The following KAT6B variants were observed in gnomAD, a reference collection of about 807,000 sequenced individuals.
KAT6B encodes histone acetyltransferase KAT6B.
A neutral mutation model predicts 187.5 loss-of-function variants in KAT6B; 10 were observed. That is an observed-to-expected ratio of 0.05 (90% confidence interval 0.03 to 0.09). KAT6B has a LOEUF of 0.09. KAT6B is among the 10% of genes least tolerant of loss of function. The probability of loss-of-function intolerance (pLI) is 1.00; values close to 1 mark genes in which losing one functional copy is unlikely to be tolerated. For missense variants in KAT6B, 1,952 were observed against 2,558.9 expected, an observed-to-expected ratio of 0.76 and a Z score of 5.12; for synonymous variants, 861 against 926.8, an observed-to-expected ratio of 0.93 and a Z score of 1.29.
At chr10:74,857,610 C>G (rs1324039765) in intron 3 of KAT6B, among the ~76,000 whole-genome samples, 1 of 152,128 alleles carries the variant, frequency 6.6e-6, no homozygotes, top group East Asian at 1.9e-4. Context: ...TGGGGGAGCC[C>G]ATTATTTTGC....
At chr10:74,880,695 A>G (rs1844783248) in intron 3 of KAT6B, among the ~76,000 whole-genome samples, 2 of 152,118 alleles carry the variant, frequency 1.3e-5, no homozygotes, top group South Asian at 2.1e-4. Flanking sequence ...GGCTCACTGC[A>G]ACCTCCACCT....
rs1359040523 is a variant in KAT6B, at chr10:74,840,164, G to A, written c.-259+1412G>A. On this transcript the variant is annotated intron_variant, in intron 2 of 17. Coordinates refer to ENST00000287239, the MANE Select transcript of KAT6B (RefSeq NM_012330.4). Reference sequence around the variant, plus strand: ...CACCATGACCACTTGTGTGGCAGGGGTATTGAGGAAGTTCCTGTAATTTGG... The same window carrying A: ...CACCATGACCACTTGTGTGGCAGGGATATTGAGGAAGTTCCTGTAATTTGG... Among the ~76,000 whole-genome samples the A allele has an allele frequency of 3.9e-5, 6 of 152,208 alleles. No individual in the cohort carries two copies. In the East Asian group the frequency reaches 1.2e-3, roughly 29 times the overall value.
intron 3 of KAT6B, among the ~76,000 whole-genome samples, chr10:74,908,507 G>A (rs867207107): frequency 6.0e-5 from 8 of 132,476 alleles, no homozygotes; most frequent in South Asian, 4.6e-4. Context: ...GCAGTGAGCC[G>A]AAATTGCACT....
At chr10:74,956,509 T>G (rs979407545) in intron 3 of KAT6B, among the ~76,000 whole-genome samples, 4 of 152,188 alleles carry the variant, frequency 2.6e-5, no homozygotes, top group Non-Finnish European at 5.9e-5. Flanking sequence ...AACACATTAG[T>G]AAAGAGTTAT....
At chr10:75,017,309 C>T (rs1341796607) in intron 13 of KAT6B, among the ~76,000 whole-genome samples, 1 of 151,856 alleles carries the variant, frequency 6.6e-6, no homozygotes, top group African/African-American at 2.4e-5. Context: ...TTCCAATGGG[C>T]TATATCATAA....
chr10:75,028,237 C>T (rs1846022960), intron 17 of KAT6B, among the ~76,000 whole-genome samples: 2 of 152,014 alleles, frequency 1.3e-5, no homozygotes, highest in Admixed American at 1.3e-4. Context: ...TCATTAAATT[C>T]AAATAAGCAC....
At chr10:74,974,679 G>A (rs1342880423) in intron 7 of KAT6B, among the ~76,000 whole-genome samples, 1 of 152,094 alleles carries the variant, frequency 6.6e-6, no homozygotes, top group Non-Finnish European at 1.5e-5. Flanking sequence ...TAAATGTGCC[G>A]CTTCTTCACC....
At chr10:74,889,068 G>A (rs1319326503) in intron 3 of KAT6B, among the ~76,000 whole-genome samples, 1 of 152,084 alleles carries the variant, frequency 6.6e-6, no homozygotes, top group Non-Finnish European at 1.5e-5. Context: ...CACATTACAA[G>A]TGATAAGATC....
chr10:74,952,536 A>T (rs1217812581), intron 3 of KAT6B, among the ~76,000 whole-genome samples: 1 of 152,132 alleles, frequency 6.6e-6, no homozygotes, highest in Non-Finnish European at 1.5e-5. Context: ...CCTCCATCTC[A>T]CTAGTTAGGT....
intron 3 of KAT6B, among the ~76,000 whole-genome samples, chr10:74,873,504 G>A (rs1461634969): frequency 6.6e-6 from 1 of 152,044 alleles, no homozygotes; most frequent in East Asian, 1.9e-4. Flanking sequence ...AAAGGTCACC[G>A]AGGCTGCTGT....
chr10:74,927,091 C>T (rs1219783513), intron 3 of KAT6B, among the ~76,000 whole-genome samples: 1 of 152,208 alleles, frequency 6.6e-6, no homozygotes, highest in African/African-American at 2.4e-5. Context: ...AATATTATCA[C>T]AAAATCTCAC....
rs1589824884 is a variant in KAT6B at position 75,022,073 on chromosome 10, G to C, written c.3214G>C (p.Glu1072Gln). 6.2e-7 allele frequency: 1 copy of C among 1,613,856 alleles called. No individual in the cohort carries two copies. Among genetic ancestry groups the C allele is most frequent in the Non-Finnish European group, 8.5e-7 (1 of 1,179,904 alleles). The change falls in exon 16 of 18, where the codon GAA (glutamate) becomes CAA (glutamine). Residue 1072 changes from glutamate (E) to glutamine (Q), a missense_variant. This residue lies in a region of KAT6B where 758 missense variants were observed against 891.4 expected (regional missense o/e 0.85). Coordinates refer to ENST00000287239, the MANE Select transcript of KAT6B (RefSeq NM_012330.4). ...LELSKESSEE[E>Q]EEEEDEEEEE... ...GCTGTCTAAAGAGAGCAGTGAAGAA[G>C]AAGAGGAGGAGGAGGACGAGGAGGA... is the stretch of plus-strand genomic sequence containing the variant.
chr10:74,938,133 T>C (rs904017402), intron 3 of KAT6B, among the ~76,000 whole-genome samples: 2 of 152,196 alleles, frequency 1.3e-5, no homozygotes, highest in African/African-American at 4.8e-5. Context: ...TTGTTGTCGT[T>C]GTTGTTTTTA....
intron 3 of KAT6B, among the ~76,000 whole-genome samples, chr10:74,881,605 G>T (rs745594343): frequency 6.6e-6 from 1 of 152,112 alleles, no homozygotes; most frequent in African/African-American, 2.4e-5. Context: ...CAGAATTTTC[G>T]TGTTAAACCC....
intron 14 of KAT6B, 114 bp downstream of exon 14, chr10:75,020,927 T>C: frequency 1.0e-6 from 1 of 999,228 alleles, no homozygotes; most frequent in South Asian, 1.4e-5. Context: ...AACAGTATTA[T>C]CAAACCTTTT....
intron 7 of KAT6B, among the ~76,000 whole-genome samples, chr10:74,974,932 A>G (rs986215727): frequency 1.4e-4 from 21 of 152,230 alleles, no homozygotes; most frequent in Non-Finnish European, 2.9e-5. Context: ...TATTTATATA[A>G]GTTTGCAAAT....
At chr10:74,973,335 A>T (rs1340891291) in intron 7 of KAT6B, among the ~76,000 whole-genome samples, 1 of 152,214 alleles carries the variant, frequency 6.6e-6, no homozygotes, top group East Asian at 1.9e-4. Context: ...CAGAGAAAAG[A>T]TAAGAGGTGA....
At chr10:74,967,097 C>T (rs1841531139) in intron 4 of KAT6B, among the ~76,000 whole-genome samples, 1 of 151,880 alleles carries the variant, frequency 6.6e-6, no homozygotes, top group Non-Finnish European at 1.5e-5. Context: ...GAGGCTGAGG[C>T]AGGTGGATCA....
At chr10:74,855,534 A>C (rs1842761043) in intron 3 of KAT6B, among the ~76,000 whole-genome samples, 1 of 152,228 alleles carries the variant, frequency 6.6e-6, no homozygotes, top group Non-Finnish European at 1.5e-5. Flanking sequence ...CTTCTGTCTT[A>C]TAACAAAACC....
Sources: allele counts gnomAD v4.1 joint callset (sites outside exome capture counted in the v4.1 genomes callset), GRCh38; gene constraint gnomAD v4.1.1; regional missense constraint gnomAD v4.1.1; transcripts MANE v1.5; gene names NCBI Gene and HGNC (gene_info 2026-07-23, HGNC 2026-07-21).